ENKUR: variants seen among roughly 807,000 people sequenced by gnomAD.
The protein encoded by ENKUR is enkurin, TRPC channel interacting protein, also known as enkurin.
In ENKUR, 19 loss-of-function variants were observed where a neutral mutation model predicts 27.6. The ratio of observed to expected loss-of-function variants is 0.69; its 90% CI spans 0.48 to 1.01. The LOEUF (loss-of-function observed/expected upper bound fraction) is 1.01, where lower values mean the gene tolerates loss of function less well. Among genes scored for constraint, ENKUR ranks in the 50% least tolerant of loss-of-function variants. The pLI is 0.00. For synonymous variants in ENKUR, 117 were observed against 96.9 expected (o/e 1.21, Z -1.22); for missense variants, 312 against 310.5 (o/e 1.00, Z -0.04).
At chr10:24,988,735 T>C (rs1849856549) in intron 4 of ENKUR, among the ~76,000 whole-genome samples, 1 of 96,794 alleles carries the variant, frequency 1.0e-5, no homozygotes, top group Non-Finnish European at 2.0e-5. Flanking sequence ...TATTCCTCAT[T>C]TTAAAAATGA....
upstream of ENKUR, chr10:25,016,177 G>A (rs1850567393): frequency 1.7e-6 from 2 of 1,185,674 alleles, no homozygotes; most frequent in South Asian, 3.9e-5. Context: ...CGTGGAAACC[G>A]TTACTAGGCA....
intron 2 of ENKUR, chr10:25,025,056 G>T: frequency 1.2e-6 from 2 of 1,614,192 alleles, no homozygotes; most frequent in Non-Finnish European, 1.7e-6. Flanking sequence ...AGAAACTTCA[G>T]CAGGATTTTG....
chr10:24,995,636 A>G lies in ENKUR; in HGVS notation c.447+10T>C, dbSNP rs1355537347. On this transcript the variant is annotated intron_variant, in intron 3 of 5. Coordinates refer to ENST00000331161, the MANE Select transcript of ENKUR (RefSeq NM_145010.4). ...ATTTCAGCCCTCTTATTAATATACC[A>G]CAAGGCTACCTTTTTATTGATGTAC... 6 of 1,605,098 alleles carry G rather than the reference A, an allele frequency of 3.7e-6. No homozygotes were observed. The Admixed American group carries it at 5.1e-5, about 14-fold the overall frequency.
At chr10:25,051,449 G>A (rs1264367949) in intron 2 of ENKUR, among the ~76,000 whole-genome samples, 1 of 152,182 alleles carries the variant, frequency 6.6e-6, no homozygotes, top group Non-Finnish European at 1.5e-5. Context: ...GAAGCATGAT[G>A]CTGGCATCTG....
At chr10:25,003,506 C>T (rs1850242385) in intron 1 of ENKUR, among the ~76,000 whole-genome samples, 1 of 152,186 alleles carries the variant, frequency 6.6e-6, no homozygotes, top group Non-Finnish European at 1.5e-5. Context: ...TGCGCCAAGC[C>T]TGTGTTTCTA....
Position 24,991,904 on chromosome 10 carries a change from C to T in ENKUR, c.448-1295G>A, listed in dbSNP as rs1849937630. On this transcript the variant is annotated intron_variant, in intron 3 of 5. Coordinates refer to ENST00000331161, the MANE Select transcript of ENKUR (RefSeq NM_145010.4). ...GGAGCTGTAAACATCGACCCATAGA[C>T]CCTGCTTTGGAGTCAGAGCCTCACA... Among the ~76,000 whole-genome samples the T allele has an allele frequency of 2.0e-5, 3 of 152,202 alleles. No homozygotes were observed. In the South Asian group the frequency reaches 6.2e-4, roughly 31 times the overall value.
At chr10:25,024,478 C>G (rs1242267450) in intron 2 of ENKUR, 2 of 1,614,136 alleles carry the variant, frequency 1.2e-6, no homozygotes, top group South Asian at 1.1e-5. Flanking sequence ...TCAAAAAGCA[C>G]AAATAATTGG....
At chr10:25,050,838 A>G (rs747107016) in intron 2 of ENKUR, among the ~76,000 whole-genome samples, 1 of 152,182 alleles carries the variant, frequency 6.6e-6, no homozygotes, top group East Asian at 1.9e-4. Context: ...CAGATTATCA[A>G]ACAATATATA....
chr10:24,986,557 T>C (rs1849783773), intron 4 of ENKUR, among the ~76,000 whole-genome samples: 1 of 152,372 alleles, frequency 6.6e-6, no homozygotes, highest in Non-Finnish European at 1.5e-5. Flanking sequence ...GGAGTGGCTA[T>C]TGCAGAGAGG....
chr10:25,028,871 C>T (rs1850901312), intron 2 of ENKUR, among the ~76,000 whole-genome samples: 1 of 152,136 alleles, frequency 6.6e-6, no homozygotes, highest in Admixed American at 6.5e-5. Context: ...TTATTCATTC[C>T]CTTTCTCATA....
At chr10:25,050,845 T>C (rs768515272) in intron 2 of ENKUR, among the ~76,000 whole-genome samples, 4 of 152,134 alleles carry the variant, frequency 2.6e-5, no homozygotes, top group Non-Finnish European at 4.4e-5. Flanking sequence ...TCAAACAATA[T>C]ATATGTACCC....
intron 2 of ENKUR, chr10:25,025,085 A>C: frequency 6.2e-7 from 1 of 1,614,202 alleles, no homozygotes; most frequent in Non-Finnish European, 8.5e-7. Flanking sequence ...TGGTGCTCTG[A>C]GGGAGAGTGC....
At chr10:25,023,647 A>T in intron 2 of ENKUR, 1 of 1,614,186 alleles carries the variant, frequency 6.2e-7, no homozygotes, top group Non-Finnish European at 8.5e-7. Context: ...TGATGCTAGC[A>T]TGTGGCATCT....
Position 24,995,637 on chromosome 10 carries a change from C to T in ENKUR, c.447+9G>A, listed in dbSNP as rs1850031246. 6 of 1,604,572 alleles carry T rather than the reference C, an allele frequency of 3.7e-6. No individual in the cohort carries two copies. The highest frequency in any genetic ancestry group is 2.3e-5 in the South Asian group (2 of 88,886). On this transcript the variant is annotated intron_variant, in intron 3 of 5. Coordinates refer to ENST00000331161, the MANE Select transcript of ENKUR (RefSeq NM_145010.4). ...TTTCAGCCCTCTTATTAATATACCACAAGGCTACCTTTTTATTGATGTACT... is the reference window on the plus strand; with the variant it reads ...TTTCAGCCCTCTTATTAATATACCATAAGGCTACCTTTTTATTGATGTACT...
chr10:24,992,937 G>A (rs1849957436), intron 3 of ENKUR, among the ~76,000 whole-genome samples: 1 of 152,160 alleles, frequency 6.6e-6, no homozygotes. Flanking sequence ...CAATAATGGA[G>A]CTTCATCATG....
intron 2 of ENKUR, among the ~76,000 whole-genome samples, chr10:25,047,921 A>G (rs1228981822): frequency 6.6e-6 from 1 of 152,230 alleles, no homozygotes; most frequent in African/African-American, 2.4e-5. Context: ...CAGAATGGTC[A>G]CTTGGTCACA....
intron 2 of ENKUR, among the ~76,000 whole-genome samples, chr10:25,046,395 G>A (rs554980269): frequency 6.6e-6 from 1 of 152,246 alleles, no homozygotes; most frequent in South Asian, 2.1e-4. Flanking sequence ...TCTCCTGGGG[G>A]TAGTAAGCCC....
intron 2 of ENKUR, chr10:25,021,763 G>A (rs1395198110): frequency 2.6e-5 from 4 of 152,066 alleles, no homozygotes; most frequent in Non-Finnish European, 4.4e-5. Context: ...TGCAAAGATC[G>A]GTTTTGCCTC....
At chr10:25,023,867 A>G (rs1436719336) in intron 2 of ENKUR, 4 of 1,614,202 alleles carry the variant, frequency 2.5e-6, no homozygotes, top group Non-Finnish European at 3.4e-6. Flanking sequence ...GTAGCTGACA[A>G]AGTGCTGAAT....
Sources: gnomAD v4.1 joint callset for allele counts (sites outside exome capture counted in the v4.1 genomes callset) on GRCh38, gnomAD v4.1.1 for gene constraint, MANE v1.5 for transcripts, NCBI Gene and HGNC (gene_info 2026-07-23, HGNC 2026-07-21) for gene names.